The following NMNAT2 variants were observed in gnomAD, a reference collection of about 807,000 sequenced individuals.
NMNAT2 encodes nicotinamide/nicotinic acid mononucleotide adenylyltransferase 2.
Under a neutral mutation model 41.6 loss-of-function variants are expected in NMNAT2, and 11 were observed. That is an observed-to-expected ratio of 0.26 (90% CI 0.17 to 0.44). The LOEUF is 0.44. NMNAT2 is among the 20% of genes least tolerant of loss of function. The pLI, the probability that NMNAT2 is intolerant of heterozygous loss-of-function variation, is 1.00. For synonymous variants in NMNAT2, 148 were observed against 151.2 expected, an observed-to-expected ratio of 0.98 and a Z score of 0.16; for missense variants, 288 against 407.7, an observed-to-expected ratio of 0.71 and a Z score of 2.53.
chr1:183,275,749 T>G (rs1661106461), intron 8 of NMNAT2, among the ~76,000 whole-genome samples: 1 of 152,262 alleles, frequency 6.6e-6, no homozygotes, highest in Admixed American at 6.5e-5. Flanking sequence ...CTCAGCTCAC[T>G]GCAATCTCTG....
chr1:183,374,190 G>A (rs187659293), intron 1 of NMNAT2, among the ~76,000 whole-genome samples: 1 of 152,206 alleles, frequency 6.6e-6, no homozygotes, highest in Non-Finnish European at 1.5e-5. Flanking sequence ...CACTCAACCA[G>A]TATACCGTGG....
At chr1:183,384,557 G>A (rs1008305764) in intron 1 of NMNAT2, among the ~76,000 whole-genome samples, 2 of 152,116 alleles carry the variant, frequency 1.3e-5, no homozygotes, top group Non-Finnish European at 2.9e-5. Context: ...CACAAGAACG[G>A]CAAGGGGAGA....
intron 1 of NMNAT2, among the ~76,000 whole-genome samples, chr1:183,339,828 A>G (rs901609639): frequency 3.3e-5 from 5 of 152,122 alleles, no homozygotes; most frequent in South Asian, 2.1e-4. Context: ...GAGTGGCCCA[A>G]TGAGAGGTCC....
chr1:183,397,718 G>GA (rs1648689899), intron 1 of NMNAT2, among the ~76,000 whole-genome samples: 1 of 152,204 alleles, frequency 6.6e-6, no homozygotes, highest in Non-Finnish European at 1.5e-5. Flanking sequence ...TCTCTCGGCA[G>GA]AAACTCTACA....
intron 1 of NMNAT2, among the ~76,000 whole-genome samples, chr1:183,401,930 G>T (rs1648822669): frequency 7.0e-6 from 1 of 143,220 alleles, no homozygotes; most frequent in African/African-American, 2.5e-5. Context: ...TGGGGTTGGG[G>T]GAGGGGGGAG....
At chr1:183,357,017 C>G (rs1663206689) in intron 1 of NMNAT2, among the ~76,000 whole-genome samples, 1 of 151,974 alleles carries the variant, frequency 6.6e-6, no homozygotes, top group Non-Finnish European at 1.5e-5. Context: ...CCATCTGCTA[C>G]AGATAATATA....
chr1:183,397,140 T>C (rs1316515788), intron 1 of NMNAT2, among the ~76,000 whole-genome samples: 1 of 152,178 alleles, frequency 6.6e-6, no homozygotes, highest in African/African-American at 2.4e-5. Context: ...GTGTGTACTT[T>C]TTACTTTGCA....
In NMNAT2 at chr1:183,273,841, C is replaced by CCCTTCCTT. The variant is rs1158581494; in HGVS notation, c.651+4704_651+4711dup. On this transcript the variant is annotated intron_variant, in intron 8 of 10. Transcript: ENST00000287713. ...CTTTCTTTTCCCTCCCTCCCTCCCT[C>CCCTTCCTT]CCTTCCTTCCTTCCTTCCTTCCTTC... 3.2e-4 allele frequency among the ~76,000 whole-genome samples: 25 copies of CCCTTCCTT among 79,156 alleles called. 1 individual carries two copies. The highest frequency in any genetic ancestry group is 1.6e-3 in the African/African-American group (24 of 15,122). 51.9% of individuals were successfully genotyped at this position (79,156 alleles called of 152,430 possible).
At chr1:183,375,868 T>C (rs1395684562) in intron 1 of NMNAT2, among the ~76,000 whole-genome samples, 4 of 152,212 alleles carry the variant, frequency 2.6e-5, no homozygotes, top group Non-Finnish European at 5.9e-5. Context: ...ATTAGGTTAT[T>C]GATCACACTC....
chr1:183,292,307 G>T (rs1377141934), intron 3 of NMNAT2, among the ~76,000 whole-genome samples: 1 of 152,232 alleles, frequency 6.6e-6, no homozygotes, highest in Non-Finnish European at 1.5e-5. Flanking sequence ...GGTGTGATTT[G>T]GTGTGGCTGC....
chr1:183,252,536 G>A lies in NMNAT2; in HGVS notation c.*105C>T, dbSNP rs1352824115. 1.2e-6 allele frequency: 1 copy of A among 858,414 alleles called. No individual in the cohort carries two copies. Among genetic ancestry groups the A allele is most frequent in the Non-Finnish European group, 2.0e-6 (1 of 499,490 alleles). 53.2% of individuals were successfully genotyped at this position (858,414 alleles called of 1,614,324 possible). On this transcript the variant is annotated 3_prime_UTR_variant, in exon 11 of 11. Transcript: ENST00000287713. ...CTATGGGGGGTTAAGTCAGCAAGTA[G>A]GGAAAACAGTCAAGACGAGGAGATG...
chr1:183,290,222 A>G lies in NMNAT2; in HGVS notation c.243-16T>C. 6.4e-7 allele frequency: 1 copy of G among 1,557,702 alleles called. No homozygotes were observed. Among genetic ancestry groups the G allele is most frequent in the Non-Finnish European group, 8.7e-7 (1 of 1,147,444 alleles). On this transcript the variant is annotated splice_polypyrimidine_tract_variant and intron_variant, in intron 3 of 10. Transcript: ENST00000287713. ...AGGGTCCACCCTAACATCATCGGAA[A>G]GAAGTTTCCCTTGGTTTCTGTTCTC...
At chr1:183,396,120 C>A (rs1448414383) in intron 1 of NMNAT2, among the ~76,000 whole-genome samples, 1 of 152,182 alleles carries the variant, frequency 6.6e-6, no homozygotes, top group East Asian at 1.9e-4. Flanking sequence ...TTTCTGCAAA[C>A]AAACCCTGGC....
At chr1:183,390,187 C>T (rs1198985727) in intron 1 of NMNAT2, among the ~76,000 whole-genome samples, 1 of 152,082 alleles carries the variant, frequency 6.6e-6, no homozygotes, top group African/African-American at 2.4e-5. Flanking sequence ...GGGTGAGCCG[C>T]ATGAACATCA....
At chr1:183,257,447 G>A (rs911664569) in intron 10 of NMNAT2, among the ~76,000 whole-genome samples, 1 of 152,102 alleles carries the variant, frequency 6.6e-6, no homozygotes, top group African/African-American at 2.4e-5. Flanking sequence ...TCTAAAAAAA[G>A]AAGTATTGGT....
intron 1 of NMNAT2, among the ~76,000 whole-genome samples, chr1:183,392,480 G>C (rs1257355443): frequency 6.6e-6 from 1 of 152,200 alleles, no homozygotes; most frequent in East Asian, 1.9e-4. Flanking sequence ...AGTGCAGCTA[G>C]AACAAATATA....
intron 1 of NMNAT2, among the ~76,000 whole-genome samples, chr1:183,361,315 C>G (rs1470900914): frequency 1.3e-5 from 2 of 152,144 alleles, no homozygotes; most frequent in Non-Finnish European, 2.9e-5. Flanking sequence ...TCTTGACTCT[C>G]CAGCCCAAAC....
intron 1 of NMNAT2, among the ~76,000 whole-genome samples, chr1:183,409,471 C>G (rs1318117026): frequency 6.6e-6 from 1 of 151,984 alleles, no homozygotes; most frequent in Non-Finnish European, 1.5e-5. Flanking sequence ...TGCACACCAC[C>G]ACACCTGGCT....
In NMNAT2 at chr1:183,312,537, A is replaced by G. The variant is rs75912419; in HGVS notation, c.86-18744T>C. 1.1e-3 allele frequency among the ~76,000 whole-genome samples: 173 copies of G among 150,448 alleles called. 2 individuals carry two copies. In the East Asian group the frequency reaches 0.028, roughly 24 times the overall value. On this transcript the variant is annotated intron_variant, in intron 1 of 10. Coordinates refer to ENST00000287713, the MANE Select transcript of NMNAT2 (RefSeq NM_015039.4). ...CTGTATATTTATTTTATTACTTTTA[A>G]AACTATTTAATAGTAATTGCCTTAC...
Sources: gnomAD v4.1 joint callset for allele counts (sites outside exome capture counted in the v4.1 genomes callset) on GRCh38, gnomAD v4.1.1 for gene constraint, MANE v1.5 for transcripts, NCBI Gene and HGNC (gene_info 2026-07-23, HGNC 2026-07-21) for gene names.